CCSER1: variants seen among roughly 807,000 people sequenced by gnomAD.
CCSER1 encodes the protein coiled-coil serine rich protein 1.
CCSER1 carries 41 observed loss-of-function variants against 82.0 expected under a neutral mutation model. That is an observed-to-expected ratio of 0.50 (90% confidence interval 0.39 to 0.65). The LOEUF is 0.65. CCSER1 is among the 30% of genes least tolerant of loss of function. The pLI is 0.00. For synonymous variants in CCSER1, 414 were observed against 383.9 expected, an observed-to-expected ratio of 1.08 and a Z score of -0.92; for missense variants, 1,119 against 1,064.2, an observed-to-expected ratio of 1.05 and a Z score of -0.72.
At chr4:90,302,592 G>A (rs1198856671) in intron 1 of CCSER1, among the ~76,000 whole-genome samples, 1 of 152,162 alleles carries the variant, frequency 6.6e-6, no homozygotes, top group African/African-American at 2.4e-5. Flanking sequence ...CTTGAGGCCA[G>A]GAGTTTGAGA....
At chr4:90,568,406 A>G (rs1002292047) in intron 5 of CCSER1, among the ~76,000 whole-genome samples, 3 of 152,152 alleles carry the variant, frequency 2.0e-5, no homozygotes, top group African/African-American at 7.2e-5. Flanking sequence ...CTTTATCATG[A>G]TATAATGATG....
chr4:90,191,951 C>T (rs895213556), intron 1 of CCSER1, among the ~76,000 whole-genome samples: 5 of 151,998 alleles, frequency 3.3e-5, no homozygotes, highest in Non-Finnish European at 4.4e-5. Context: ...TGTCACTTTA[C>T]CCTGTACTTA....
intron 10 of CCSER1, among the ~76,000 whole-genome samples, chr4:91,346,997 T>TA (rs1454607043): frequency 6.7e-6 from 1 of 149,610 alleles, no homozygotes; most frequent in African/African-American, 2.6e-5. Context: ...AGCTTCAACT[T>TA]ATGAGTTTTT....
intron 10 of CCSER1, among the ~76,000 whole-genome samples, chr4:91,234,838 A>G (rs1262908374): frequency 6.6e-6 from 1 of 152,070 alleles, no homozygotes; most frequent in Admixed American, 6.6e-5. Flanking sequence ...TGGTTTCTAG[A>G]CTTTTTAGCA....
intron 6 of CCSER1, among the ~76,000 whole-genome samples, chr4:90,636,957 C>A (rs867963027): frequency 1.4e-4 from 22 of 152,056 alleles, no homozygotes; most frequent in African/African-American, 5.3e-4. Flanking sequence ...AATAAAATGA[C>A]AGAATTAGCA....
intron 9 of CCSER1, among the ~76,000 whole-genome samples, chr4:90,925,485 A>G (rs1728945381): frequency 6.6e-6 from 1 of 152,164 alleles, no homozygotes; most frequent in South Asian, 2.1e-4. Context: ...TAATACCATC[A>G]ATTTTATGTG....
At chr4:91,098,816 C>T (rs1724767685) in intron 10 of CCSER1, among the ~76,000 whole-genome samples, 1 of 152,158 alleles carries the variant, frequency 6.6e-6, no homozygotes, top group Admixed American at 6.6e-5. Context: ...GCTGGGATTA[C>T]AGGCGTGAGC....
At chr4:91,439,384 C>T (rs1017426752) in intron 10 of CCSER1, among the ~76,000 whole-genome samples, 1 of 151,896 alleles carries the variant, frequency 6.6e-6, no homozygotes, top group African/African-American at 2.4e-5. Context: ...CCAAACTAAG[C>T]TTCATAAGTG....
chr4:91,084,779 G>A (rs1050037680), intron 9 of CCSER1, among the ~76,000 whole-genome samples: 9 of 152,120 alleles, frequency 5.9e-5, no homozygotes, highest in South Asian at 2.1e-4. Context: ...ATTTTCTAGG[G>A]TCAAGAGAGT....
chr4:91,186,512 C>T (rs1734550402), intron 10 of CCSER1, among the ~76,000 whole-genome samples: 1 of 152,144 alleles, frequency 6.6e-6, no homozygotes, highest in Non-Finnish European at 1.5e-5. Context: ...ATGGACGCCA[C>T]TTGCTGAGAC....
chr4:90,570,542 C>T (rs116040997), intron 5 of CCSER1, among the ~76,000 whole-genome samples: 2,530 of 152,190 alleles, frequency 0.017, 71 homozygotes, highest in African/African-American at 0.058. Context: ...TGATGGTCCC[C>T]TGGGAGTTGC....
At chr4:91,121,516 G>A (rs1019983832) in intron 10 of CCSER1, among the ~76,000 whole-genome samples, 4 of 151,544 alleles carry the variant, frequency 2.6e-5, no homozygotes, top group Non-Finnish European at 5.9e-5. Context: ...AAATTACATT[G>A]AGGTAATGCC....
At chr4:91,160,080 T>C (rs1191044256) in intron 10 of CCSER1, among the ~76,000 whole-genome samples, 1 of 148,168 alleles carries the variant, frequency 6.7e-6, no homozygotes, top group Non-Finnish European at 1.5e-5. Context: ...CCATGTGTGA[T>C]GTTTCCACCC....
intron 10 of CCSER1, among the ~76,000 whole-genome samples, chr4:91,131,349 T>C (rs1166672472): frequency 2.0e-5 from 3 of 150,958 alleles, no homozygotes; most frequent in Non-Finnish European, 3.0e-5. Flanking sequence ...TTTTTTTTGA[T>C]TCTATGATGT....
chr4:91,233,722 C>T (rs1738791399), intron 10 of CCSER1, among the ~76,000 whole-genome samples: 1 of 151,956 alleles, frequency 6.6e-6, no homozygotes, highest in Non-Finnish European at 1.5e-5. Flanking sequence ...GAAAATATAT[C>T]TCTGCTCACA....
In CCSER1 at chr4:90,605,010, C is replaced by CG. The variant is rs1195633670; in HGVS notation, c.1725-23014dup. On this transcript the variant is annotated intron_variant, in intron 5 of 10. Transcript: ENST00000509176. ...GGCAACTGAGTGAGCTCCGCTTCCA[C>CG]GTGTGGGAGGTTTGTTCTTTGGCTG... Among the ~76,000 whole-genome samples, 12 of 106,858 alleles carry CG rather than the reference C, an allele frequency of 1.1e-4. 1 individual carries two copies. Among genetic ancestry groups the CG allele is most frequent in the Middle Eastern group, 4.2e-3 (1 of 236 alleles). The allele number at this position is 106,858 out of a possible 152,430, so 70.1% of individuals were successfully genotyped here.
intron 10 of CCSER1, among the ~76,000 whole-genome samples, chr4:91,429,583 A>G (rs1188740900): frequency 6.6e-6 from 1 of 151,942 alleles, no homozygotes; most frequent in African/African-American, 2.4e-5. Flanking sequence ...AAAAATCTGT[A>G]AACATTTTGA....
intron 5 of CCSER1, among the ~76,000 whole-genome samples, chr4:90,552,694 C>A (rs529129596): frequency 6.6e-6 from 1 of 152,228 alleles, no homozygotes; most frequent in South Asian, 2.1e-4. Context: ...TGAGCTCAAA[C>A]AATCCACCCA....
chr4:91,356,380 G>A (rs1748834884), intron 10 of CCSER1, among the ~76,000 whole-genome samples: 1 of 152,184 alleles, frequency 6.6e-6, no homozygotes, highest in Non-Finnish European at 1.5e-5. Flanking sequence ...TTTATTGACT[G>A]TCATCTACCA....
Sources: allele counts gnomAD v4.1 joint callset (sites outside exome capture counted in the v4.1 genomes callset), GRCh38; gene constraint gnomAD v4.1.1; transcripts MANE v1.5; gene names NCBI Gene and HGNC (gene_info 2026-07-23, HGNC 2026-07-21).